Variants in DACH1 observed in about 807,000 individuals in gnomAD.
DACH1 encodes dachshund family transcription factor 1, also known as dachshund homolog 1.
A neutral mutation model predicts 54.2 loss-of-function variants in DACH1; 12 were observed. The ratio of observed to expected loss-of-function variants is 0.22; its 90% CI spans 0.14 to 0.36. The LOEUF is 0.36. Among genes scored for constraint, DACH1 ranks in the 10% least tolerant of loss-of-function variants. DACH1 has a pLI of 1.00. For synonymous variants in DACH1, 386 were observed against 366.2 expected, an observed-to-expected ratio of 1.05 and a Z score of -0.62; for missense variants, 805 against 929.8, an observed-to-expected ratio of 0.87 and a Z score of 1.75.
In DACH1 at chr13:71,690,262, A is replaced by T. The variant is rs182300824; in HGVS notation, c.849-8352T>A. On this transcript the variant is annotated intron_variant, in intron 1 of 10. Coordinates refer to ENST00000613252, the MANE Select transcript of DACH1 (RefSeq NM_080759.6). Reference sequence around the variant, plus strand: ...AGAGATATACAATTTAATACTATTTATGTTTACCTTTCTATAGCATACATT... The same window carrying T: ...AGAGATATACAATTTAATACTATTTTTGTTTACCTTTCTATAGCATACATT... Among the ~76,000 whole-genome samples the T allele has an allele frequency of 2.6e-5, 4 of 152,330 alleles. No individual in the cohort carries two copies. In the East Asian group the frequency reaches 7.7e-4, roughly 29 times the overall value.
chr13:71,859,060 C>A (rs1397412345), intron 1 of DACH1, among the ~76,000 whole-genome samples: 2 of 151,770 alleles, frequency 1.3e-5, no homozygotes, highest in Admixed American at 1.3e-4. Flanking sequence ...AAAAAAAGAC[C>A]AATTAAACAA....
At chr13:71,619,004 C>T (rs1355219578) in intron 3 of DACH1, among the ~76,000 whole-genome samples, 2 of 151,122 alleles carry the variant, frequency 1.3e-5, no homozygotes, top group Non-Finnish European at 3.0e-5. Context: ...GGTGTGAATA[C>T]ATATTTAAAT....
intron 1 of DACH1, among the ~76,000 whole-genome samples, chr13:71,809,313 A>C (rs1055734077): frequency 2.6e-5 from 4 of 152,098 alleles, no homozygotes; most frequent in Non-Finnish European, 5.9e-5. Flanking sequence ...CTGGGATTAC[A>C]GGCATTGCCA....
intron 1 of DACH1, among the ~76,000 whole-genome samples, chr13:71,858,207 A>G (rs1467063516): frequency 5.9e-5 from 9 of 151,684 alleles, no homozygotes; most frequent in African/African-American, 2.2e-4. Context: ...TTCTTAAGAT[A>G]TATTTTGTTT....
intron 3 of DACH1, among the ~76,000 whole-genome samples, chr13:71,607,727 T>C (rs1322564748): frequency 6.6e-6 from 1 of 152,098 alleles, no homozygotes; most frequent in African/African-American, 2.4e-5. Flanking sequence ...AAGATTATCA[T>C]GAGCAACAGC....
chr13:71,639,760 C>G (rs1330174974), intron 2 of DACH1, among the ~76,000 whole-genome samples: 1 of 152,014 alleles, frequency 6.6e-6, no homozygotes, highest in Non-Finnish European at 1.5e-5. Flanking sequence ...AGCTCACCTT[C>G]TGATCACTAA....
Position 71,681,917 on chromosome 13 carries a change from C to G in DACH1, c.849-7G>C. The G allele has an allele frequency of 6.4e-7, 1 of 1,573,164 alleles. No individual in the cohort carries two copies. Among genetic ancestry groups the G allele is most frequent in the Non-Finnish European group, 8.7e-7 (1 of 1,151,326 alleles). On this transcript the variant is annotated splice_polypyrimidine_tract_variant and splice_region_variant and intron_variant, in intron 1 of 10. Transcript: ENST00000613252. The stretch of plus-strand genomic sequence containing the variant: ...AGGCCTTCCAGGTCTAGAACTGAAA[C>G]AAACAAACAAAAAATTTTTACAATT...
At chr13:71,805,969 G>A (rs1221605018) in intron 1 of DACH1, among the ~76,000 whole-genome samples, 2 of 151,938 alleles carry the variant, frequency 1.3e-5, no homozygotes, top group East Asian at 3.9e-4. Context: ...CACCATGCCC[G>A]GCTAACTTTG....
rs974093769 is a variant in DACH1, at chr13:71,770,351, T to G, written c.849-88441A>C. Among the ~76,000 whole-genome samples, 8 of 151,780 alleles carry G rather than the reference T, an allele frequency of 5.3e-5. No homozygotes were observed. In the East Asian group the frequency reaches 1.3e-3, roughly 26 times the overall value. ...AATTCTAATAGTAAGTTAACGGTAT[T>G]TAAAATATTTGGCTCTTAATCAGAC... On this transcript the variant is annotated intron_variant, in intron 1 of 10. Transcript: ENST00000613252.
At chr13:71,705,801 A>C (rs1419778499) in intron 1 of DACH1, among the ~76,000 whole-genome samples, 7 of 151,984 alleles carry the variant, frequency 4.6e-5, no homozygotes, top group African/African-American at 9.7e-5. Context: ...TCTTCTGAGC[A>C]TGTCATGAAG....
At chr13:71,718,575 GAAAA>G (rs11318583) in intron 1 of DACH1, among the ~76,000 whole-genome samples, 1 of 134,038 alleles carries the variant, frequency 7.5e-6, no homozygotes, top group African/African-American at 2.8e-5. Flanking sequence ...GACCATATCT[GAAAA>G]AAAAAAAAAA....
At chr13:71,458,010 C>A (rs1875734993) in intron 10 of DACH1, among the ~76,000 whole-genome samples, 1 of 151,878 alleles carries the variant, frequency 6.6e-6, no homozygotes, top group African/African-American at 2.4e-5. Flanking sequence ...TTTGCATTTT[C>A]TTAGTACTAC....
chr13:71,443,772 CTGCAG>C, intron 10 of DACH1, among the ~76,000 whole-genome samples: 1 of 152,184 alleles, frequency 6.6e-6, no homozygotes. Flanking sequence ...CTAAATATTA[CTGCAG>C]TTCAGCTGTA....
At chr13:71,777,148 G>T (rs559846117) in intron 1 of DACH1, among the ~76,000 whole-genome samples, 2 of 152,160 alleles carry the variant, frequency 1.3e-5, no homozygotes, top group African/African-American at 4.8e-5. Flanking sequence ...TCCTTAAAAT[G>T]GTAAAGGGGA....
chr13:71,517,676 T>G, intron 6 of DACH1, among the ~76,000 whole-genome samples: 1 of 151,808 alleles, frequency 6.6e-6, no homozygotes, highest in East Asian at 1.9e-4. Context: ...TAGAAAACAT[T>G]AGGGGAAACA....
intron 1 of DACH1, among the ~76,000 whole-genome samples, chr13:71,784,367 TATGGTGCTC>T (rs1165424986): frequency 6.6e-6 from 1 of 152,082 alleles, no homozygotes; most frequent in Non-Finnish European, 1.5e-5. Flanking sequence ...CTAGAATAAA[TATGGTGCTC>T]ATGTAAGAAA....
At chr13:71,552,397 T>C (rs1027536574) in intron 6 of DACH1, among the ~76,000 whole-genome samples, 7 of 152,174 alleles carry the variant, frequency 4.6e-5, no homozygotes, top group African/African-American at 1.4e-4. Flanking sequence ...ATCTCCATCA[T>C]ATATATAATT....
intron 1 of DACH1, among the ~76,000 whole-genome samples, chr13:71,765,146 C>T (rs1273369308): frequency 6.6e-6 from 1 of 152,172 alleles, no homozygotes; most frequent in African/African-American, 2.4e-5. Context: ...TCAAGTGCAA[C>T]ATTTCCATGA....
At chr13:71,510,694 G>C (rs1176976322) in intron 6 of DACH1, among the ~76,000 whole-genome samples, 1 of 151,680 alleles carries the variant, frequency 6.6e-6, no homozygotes, top group African/African-American at 2.4e-5. Flanking sequence ...GTGTTTTAAG[G>C]CTTGATTCAT....
Sources: gnomAD v4.1 joint callset for allele counts (sites outside exome capture counted in the v4.1 genomes callset) on GRCh38, gnomAD v4.1.1 for gene constraint, MANE v1.5 for transcripts, NCBI Gene and HGNC (gene_info 2026-07-23, HGNC 2026-07-21) for gene names.